NFIB: variants seen among roughly 807,000 people sequenced by gnomAD.
NFIB encodes the protein nuclear factor 1 B-type.
In NFIB, 11 loss-of-function variants were observed where a neutral mutation model predicts 61.5. That is an observed-to-expected ratio of 0.18 (90% CI 0.11 to 0.30). The LOEUF (loss-of-function observed/expected upper bound fraction) is 0.30, where lower values mean the gene tolerates loss of function less well. NFIB is among the 10% of genes least tolerant of loss of function. The pLI, the probability that NFIB is intolerant of heterozygous loss-of-function variation, is 1.00. For synonymous variants in NFIB, 260 were observed against 216.5 expected, an observed-to-expected ratio of 1.20 and a Z score of -1.76; for missense variants, 471 against 608.9, an observed-to-expected ratio of 0.77 and a Z score of 2.38.
chr9:14,385,557 A>G (rs2061539892), intron 1 of NFIB, among the ~76,000 whole-genome samples: 1 of 152,232 alleles, frequency 6.6e-6, no homozygotes, highest in African/African-American at 2.4e-5. Context: ...GTTAATATGA[A>G]TAACACAGAC....
chr9:14,235,488 C>T (rs759614021), intron 2 of NFIB, among the ~76,000 whole-genome samples: 1 of 152,164 alleles, frequency 6.6e-6, no homozygotes, highest in African/African-American at 2.4e-5. Context: ...ACTATCTCAC[C>T]CTAAAAGATC....
At chr9:14,470,784 G>C in the NFIB span, among the ~76,000 whole-genome samples, 1 of 152,208 alleles carries the variant, frequency 6.6e-6, no homozygotes. Context: ...ACTGGACAAA[G>C]AGCCAGGGGA....
chr9:14,218,998 T>C (rs997740586), intron 2 of NFIB, among the ~76,000 whole-genome samples: 66 of 152,314 alleles, frequency 4.3e-4, no homozygotes, highest in African/African-American at 1.5e-3. Flanking sequence ...TAGATACCAT[T>C]AAATAGTTGC....
At chr9:14,402,739 T>C (rs1396951231), upstream of NFIB, among the ~76,000 whole-genome samples, 1 of 152,206 alleles carries the variant, frequency 6.6e-6, no homozygotes, top group Non-Finnish European at 1.5e-5. Flanking sequence ...TTGCTTTTTA[T>C]ATACCATGGT....
chr9:14,188,017 T>C (rs972812895), intron 2 of NFIB, among the ~76,000 whole-genome samples: 13 of 152,176 alleles, frequency 8.5e-5, no homozygotes, highest in Admixed American at 2.6e-4. Context: ...TTAAGTTCAA[T>C]GACTTCCTAC....
intron 6 of NFIB, among the ~76,000 whole-genome samples, chr9:14,143,865 G>A (rs757676250): frequency 6.6e-6 from 1 of 152,032 alleles, no homozygotes; most frequent in Non-Finnish European, 1.5e-5. Context: ...ACTGCATTGG[G>A]CTTAGCAAAT....
At chr9:14,152,812 T>G (rs2043006178) in intron 4 of NFIB, among the ~76,000 whole-genome samples, 1 of 151,336 alleles carries the variant, frequency 6.6e-6, no homozygotes, top group African/African-American at 2.4e-5. Flanking sequence ...ATGTTCTCAC[T>G]CATACATGGG....
At chr9:14,179,646 A>C in intron 3 of NFIB, 81 bp downstream of exon 3, 1 of 1,485,912 alleles carries the variant, frequency 6.7e-7, no homozygotes, top group Non-Finnish European at 9.3e-7. Context: ...CAGCTGACCA[A>C]TTATGGGGTG....
intron 2 of NFIB, among the ~76,000 whole-genome samples, chr9:14,230,097 G>A (rs140132456): frequency 8.5e-5 from 13 of 152,300 alleles, no homozygotes; most frequent in African/African-American, 2.9e-4. Flanking sequence ...GAGCCACTGT[G>A]CCTGGCCTGA....
chr9:14,446,959 A>G, the NFIB span, among the ~76,000 whole-genome samples: 1 of 152,164 alleles, frequency 6.6e-6, no homozygotes, highest in Non-Finnish European at 1.5e-5. Flanking sequence ...TCCCCTGAAA[A>G]TACCTTAGTA....
chr9:14,483,596 T>C, the NFIB span, among the ~76,000 whole-genome samples: 1 of 152,186 alleles, frequency 6.6e-6, no homozygotes, highest in South Asian at 2.1e-4. Flanking sequence ...CTTTGGTAAA[T>C]GTGAGTTTGA....
At position 14,155,950 on chromosome 9, in the gene NFIB, A is replaced by G. The variant is rs530967421; in HGVS notation, c.617-57T>C. 72 of 1,054,224 alleles carry G rather than the reference A, an allele frequency of 6.8e-5. 1 individual carries two copies. In the South Asian group the frequency reaches 1.1e-3, roughly 16 times the overall value. 65.3% of individuals were successfully genotyped at this position (1,054,224 alleles called of 1,614,324 possible). Reference sequence around the variant, plus strand: ...ATATAAGCAGAAAGTAAAATAAATGATTATACACTAGAATTTAAGTGTTTT... The same window carrying G: ...ATATAAGCAGAAAGTAAAATAAATGGTTATACACTAGAATTTAAGTGTTTT... On this transcript the variant is annotated intron_variant, in intron 3 of 10. Transcript: ENST00000380953.
intron 3 of NFIB, among the ~76,000 whole-genome samples, chr9:14,168,823 T>TCAG (rs1285281563): frequency 1.3e-5 from 2 of 152,208 alleles, no homozygotes; most frequent in Non-Finnish European, 2.9e-5. Flanking sequence ...GCCCCTCTCA[T>TCAG]CAGCAGCCTG....
Position 14,151,452 on chromosome 9 carries a change from C to A in NFIB, c.686-1187G>T, listed in dbSNP as rs569244065. Among the ~76,000 whole-genome samples the A allele has an allele frequency of 2.5e-3, 375 of 152,176 alleles. 2 individuals carry two copies. The highest frequency in any genetic ancestry group is 7.7e-3 in the African/African-American group (320 of 41,536). ...TGCCCTTAATAAAAATATTGGGCAA[C>A]AAGCTGGGTAAGTAAAACATTCATG... is the stretch of plus-strand genomic sequence containing the variant. On this transcript the variant is annotated intron_variant, in intron 4 of 10. Transcript: ENST00000380953.
At chr9:14,291,715 C>T (rs1281084602) in intron 2 of NFIB, among the ~76,000 whole-genome samples, 2 of 151,792 alleles carry the variant, frequency 1.3e-5, no homozygotes, top group Non-Finnish European at 2.9e-5. Context: ...TCAAGCTAAT[C>T]GGAAAATTAC....
intron 2 of NFIB, among the ~76,000 whole-genome samples, chr9:14,254,067 T>A (rs1288501994): frequency 6.6e-6 from 1 of 152,092 alleles, no homozygotes; most frequent in Non-Finnish European, 1.5e-5. Context: ...TTTGGGAGGC[T>A]GAGGCAAGCA....
At chr9:14,209,323 G>C (rs982262703) in intron 2 of NFIB, among the ~76,000 whole-genome samples, 1 of 152,128 alleles carries the variant, frequency 6.6e-6, no homozygotes, top group African/African-American at 2.4e-5. Context: ...GATCACAATC[G>C]ATAAGCAAAT....
chr9:14,316,883 C>T (rs376986217), upstream of NFIB, among the ~76,000 whole-genome samples: 319 of 152,218 alleles, frequency 2.1e-3, 2 homozygotes, highest in African/African-American at 7.4e-3. Context: ...AAAGACATTC[C>T]CCTTGGCAGG....
intron 2 of NFIB, among the ~76,000 whole-genome samples, chr9:14,209,360 A>C (rs1482313381): frequency 1.3e-5 from 2 of 152,246 alleles, no homozygotes. Context: ...ACAAAGACTC[A>C]ACATTTATTA....
Sources: allele counts gnomAD v4.1 joint callset (sites outside exome capture counted in the v4.1 genomes callset), GRCh38; gene constraint gnomAD v4.1.1; transcripts MANE v1.5; gene names NCBI Gene and HGNC (gene_info 2026-07-23, HGNC 2026-07-21).